The following CCDC112 variants were observed in gnomAD, a reference collection of about 807,000 sequenced individuals.
The protein encoded by CCDC112 is coiled-coil domain containing 112.
CCDC112 carries 40 observed loss-of-function variants against 66.3 expected under a neutral mutation model. That is an observed-to-expected ratio of 0.60 (90% CI 0.47 to 0.79). The LOEUF (loss-of-function observed/expected upper bound fraction) is 0.79. Among genes scored for constraint, CCDC112 ranks in the 30% least tolerant of loss-of-function variants. CCDC112 has a pLI of 0.00. For missense variants in CCDC112, 659 were observed against 603.8 expected (o/e 1.09, Z -0.96); for synonymous variants, 214 against 197.2 (o/e 1.09, Z -0.71).
chr5:115,271,550 G>T lies in CCDC112; in HGVS notation c.995C>A (p.Thr332Lys). 1 of 1,599,466 alleles carries T rather than the reference G, an allele frequency of 6.3e-7. No homozygotes were observed. The highest frequency in any genetic ancestry group is 1.2e-5 in the South Asian group (1 of 86,642). Residue 332 changes from threonine (T) to lysine (K), a missense_variant, in exon 7 of 10, where the codon ACA becomes AAA. Transcript: ENST00000379611. Reference sequence around the variant, plus strand: ...TTGTTTATTATGAAAAAGCACAGGTGTGTTGTCTGCCTTTTCCTTTAACTT... The same window carrying T: ...TTGTTTATTATGAAAAAGCACAGGTTTGTTGTCTGCCTTTTCCTTTAACTT... Reference protein sequence around the residue: ...IFKLKEKADNTPVLFHNKQED... With the variant: ...IFKLKEKADNKPVLFHNKQED...
intron 6 of CCDC112, among the ~76,000 whole-genome samples, chr5:115,274,578 A>C (rs1410039817): frequency 1.3e-5 from 2 of 152,124 alleles, no homozygotes; most frequent in African/African-American, 4.8e-5. Context: ...TTTTTTCAAA[A>C]GTCTCAGTGG....
chr5:115,268,884 A>G lies in CCDC112; in HGVS notation c.1545T>C (p.His515=), dbSNP rs748756505. The change falls in exon 9 of 10, where the codon CAT becomes CAC. Residue 515 remains histidine, a splice_region_variant and synonymous_variant. Coordinates refer to ENST00000379611, the MANE Select transcript of CCDC112 (RefSeq NM_001040440.3). ...TGSGPLLHIP[H]RAIPTWRQGI... ...CACCAATTCTAACTCTTTCTTACCT[A>G]TGTGGGATATGTAGAAGTGGCCCAG... 1.2e-5 allele frequency: 19 copies of G among 1,561,460 alleles called. No homozygotes were observed. The highest frequency in any genetic ancestry group is 1.6e-5 in the Non-Finnish European group (18 of 1,146,356).
intron 1 of CCDC112, among the ~76,000 whole-genome samples, chr5:115,287,583 G>A (rs753126111): frequency 2.3e-4 from 35 of 151,886 alleles, no homozygotes; most frequent in African/African-American, 5.6e-4. Flanking sequence ...AGAGATGCAC[G>A]GCAACCAATC....
At chr5:115,291,620 T>C (rs1749934868) in intron 1 of CCDC112, among the ~76,000 whole-genome samples, 2 of 152,184 alleles carry the variant, frequency 1.3e-5, no homozygotes, top group Admixed American at 1.3e-4. Context: ...TCTATTCACA[T>C]TATTCTTCAT....
chr5:115,290,317 T>C (rs1476958210), intron 1 of CCDC112, among the ~76,000 whole-genome samples: 2 of 152,238 alleles, frequency 1.3e-5, no homozygotes, highest in Non-Finnish European at 2.9e-5. Flanking sequence ...GTCTTGACTC[T>C]CATTGATCTA....
At position 115,275,316 on chromosome 5, in the gene CCDC112, T is replaced by G. The variant is rs1749158401; in HGVS notation, c.818A>C (p.Glu273Ala). ...NKHKGKPTFM[E>A]EVLEHLPGKT... is the part of the protein sequence containing the mutation. ...TCCAGGAAGGTGTTCTAGAACTTCT[T>G]CCATAAATGTTGGCTTCCCTTTATG... The change falls in exon 6 of 10, where the codon GAA (glutamate) becomes GCA (alanine). Residue 273 changes from glutamate (E) to alanine (A), a missense_variant. Transcript: ENST00000379611. 1 of 1,613,968 alleles carries G rather than the reference T, an allele frequency of 6.2e-7. No individual in the cohort carries two copies. Among genetic ancestry groups the G allele is most frequent in the South Asian group, 1.1e-5 (1 of 91,086 alleles).
intron 1 of CCDC112, among the ~76,000 whole-genome samples, chr5:115,293,000 T>C (rs1749999329): frequency 6.6e-6 from 1 of 152,246 alleles, no homozygotes. Context: ...ATAAGTGCAG[T>C]GGCTTAAACA....
At chr5:115,292,995 T>C (rs1280255421) in intron 1 of CCDC112, among the ~76,000 whole-genome samples, 2 of 152,226 alleles carry the variant, frequency 1.3e-5, no homozygotes, top group Non-Finnish European at 2.9e-5. Flanking sequence ...TCACCATAAG[T>C]GCAGTGGCTT....
At chr5:115,296,121 T>G in intron 1 of CCDC112, 1 of 1,106,626 alleles carries the variant, frequency 9.0e-7, no homozygotes, top group Non-Finnish European at 1.1e-6. Flanking sequence ...GAGGTGCATG[T>G]TACTATTCCC....
At chr5:115,278,536 T>C (rs1456635637) in intron 3 of CCDC112, among the ~76,000 whole-genome samples, 1 of 152,074 alleles carries the variant, frequency 6.6e-6, no homozygotes, top group East Asian at 1.9e-4. Flanking sequence ...TTGGTACAAA[T>C]AAAGTTGCCA....
intron 1 of CCDC112, among the ~76,000 whole-genome samples, chr5:115,293,638 G>A (rs1750028604): frequency 6.6e-6 from 1 of 151,912 alleles, no homozygotes; most frequent in Non-Finnish European, 1.5e-5. Flanking sequence ...TCCTACTTCT[G>A]ACTCTGATCT....
At chr5:115,272,890 G>T (rs1749065101) in intron 6 of CCDC112, among the ~76,000 whole-genome samples, 1 of 152,154 alleles carries the variant, frequency 6.6e-6, no homozygotes, top group African/African-American at 2.4e-5. Context: ...TTGGGAATTT[G>T]TGTTAAAACG....
chr5:115,284,112 A>C (rs1243488524), intron 2 of CCDC112, among the ~76,000 whole-genome samples: 1 of 152,142 alleles, frequency 6.6e-6, no homozygotes, highest in Non-Finnish European at 1.5e-5. Context: ...CTCAAAAAAA[A>C]AAAAGTAAGA....
At position 115,273,949 on chromosome 5, in the gene CCDC112, G is replaced by A. The variant is rs558880690; in HGVS notation, c.918+1267C>T. 5.3e-5 allele frequency among the ~76,000 whole-genome samples: 8 copies of A among 152,242 alleles called. No homozygotes were observed. In the South Asian group the frequency reaches 1.7e-3, roughly 32 times the overall value. ...TCAATTTATTGCTGGGGGGAGGGAG[G>A]AGAATGACAAGAACAACAAAAATGC... On this transcript the variant is annotated intron_variant, in intron 6 of 9. Coordinates refer to ENST00000379611, the MANE Select transcript of CCDC112 (RefSeq NM_001040440.3).
chr5:115,296,009 G>A (rs1750139337), intron 1 of CCDC112: 1 of 990,264 alleles, frequency 1.0e-6, no homozygotes, highest in Non-Finnish European at 1.2e-6. Flanking sequence ...TCCCAGCGCC[G>A]GTACAGTAAC....
rs1748789447 is a variant in CCDC112, at chr5:115,267,619, A to C, written c.*257T>G. The C allele has an allele frequency of 2.7e-6, 1 of 372,746 alleles. No individual in the cohort carries two copies. Among genetic ancestry groups the C allele is most frequent in the Admixed American group, 4.6e-5 (1 of 21,618 alleles). The allele number at this position is 372,746 out of a possible 1,614,324, so 23.1% of individuals were successfully genotyped here. ...GAAATGTTTTCAGTATTTAAATTGA[A>C]TAATGTTTCTAACATTAACTTATTT... On this transcript the variant is annotated 3_prime_UTR_variant, in exon 10 of 10. Coordinates refer to ENST00000379611, the MANE Select transcript of CCDC112 (RefSeq NM_001040440.3).
chr5:115,276,333 T>C (rs1306757073), intron 4 of CCDC112, among the ~76,000 whole-genome samples: 1 of 152,162 alleles, frequency 6.6e-6, no homozygotes, highest in Non-Finnish European at 1.5e-5. Flanking sequence ...TTGCCTAAAA[T>C]TACATAGCCA....
intron 6 of CCDC112, among the ~76,000 whole-genome samples, chr5:115,271,922 C>CTTT (rs34279929): frequency 7.6e-5 from 10 of 131,904 alleles, no homozygotes; most frequent in African/African-American, 1.1e-4. Context: ...TTTACTGCTT[C>CTTT]TTTTTTTTTT....
intron 3 of CCDC112, among the ~76,000 whole-genome samples, chr5:115,277,961 A>AT (rs1270036204): frequency 6.6e-6 from 1 of 152,102 alleles, no homozygotes; most frequent in Non-Finnish European, 1.5e-5. Context: ...AAAAGTAATT[A>AT]TTTTTTTAAG....
Sources: allele counts gnomAD v4.1 joint callset (sites outside exome capture counted in the v4.1 genomes callset), GRCh38; gene constraint gnomAD v4.1.1; transcripts MANE v1.5; gene names NCBI Gene and HGNC (gene_info 2026-07-23, HGNC 2026-07-21).